Variants in ASCC3 observed in about 807,000 individuals in gnomAD.
ASCC3 encodes the protein ASC-1 complex subunit P200.
ASCC3 carries 158 observed loss-of-function variants against 256.3 expected under a neutral mutation model. The ratio of observed to expected loss-of-function variants is 0.62; its 90% CI spans 0.54 to 0.70. The LOEUF (loss-of-function observed/expected upper bound fraction) is 0.70, where lower values mean the gene tolerates loss of function less well. ASCC3 is among the 30% of genes least tolerant of loss of function. ASCC3 has a pLI of 0.00. For synonymous variants in ASCC3, 948 were observed against 883.4 expected, an observed-to-expected ratio of 1.07 and a Z score of -1.30; for missense variants, 2,259 against 2,626.0, an observed-to-expected ratio of 0.86 and a Z score of 3.05.
At chr6:100,598,157 T>G (rs964342239) in intron 34 of ASCC3, among the ~76,000 whole-genome samples, 2 of 151,922 alleles carry the variant, frequency 1.3e-5, no homozygotes, top group Admixed American at 6.6e-5. Context: ...GAACCTCTTA[T>G]GTAGACGGTG....
intron 35 of ASCC3, 21 bp from the exon 36 acceptor site, chr6:100,589,789 A>G: frequency 6.2e-7 from 1 of 1,613,380 alleles, no homozygotes; most frequent in Non-Finnish European, 8.5e-7. Flanking sequence ...AGAATAACAA[A>G]TGAAGAGTAC....
At chr6:100,618,496 C>T (rs1029594850) in intron 30 of ASCC3, among the ~76,000 whole-genome samples, 4 of 152,164 alleles carry the variant, frequency 2.6e-5, no homozygotes, top group Admixed American at 6.5e-5. Context: ...CTTAGGATAT[C>T]GGACAGCCTC....
intron 13 of ASCC3, among the ~76,000 whole-genome samples, chr6:100,696,586 G>A (rs1410233033): frequency 6.6e-6 from 1 of 151,866 alleles, no homozygotes; most frequent in African/African-American, 2.4e-5. Context: ...ATAAATAGCT[G>A]TCAAATAAAC....
intron 4 of ASCC3, among the ~76,000 whole-genome samples, chr6:100,810,160 T>G (rs988053526): frequency 1.3e-5 from 2 of 152,084 alleles, no homozygotes; most frequent in Admixed American, 1.3e-4. Context: ...GTCCTTATCA[T>G]TGAATGACAC....
At chr6:100,696,312 T>C (rs1002468434) in intron 13 of ASCC3, among the ~76,000 whole-genome samples, 6 of 152,296 alleles carry the variant, frequency 3.9e-5, no homozygotes, top group Middle Eastern at 3.4e-3. Context: ...TGGTTAATCA[T>C]ATTTGAATAT....
At chr6:100,803,466 C>A (rs887685734) in intron 5 of ASCC3, among the ~76,000 whole-genome samples, 1 of 152,134 alleles carries the variant, frequency 6.6e-6, no homozygotes, top group Non-Finnish European at 1.5e-5. Context: ...CACCTTCTGC[C>A]AAGTTGCCTG....
chr6:100,514,931 G>A (rs1773945672), intron 39 of ASCC3, among the ~76,000 whole-genome samples: 1 of 152,064 alleles, frequency 6.6e-6, no homozygotes. Flanking sequence ...ATGTTACCTG[G>A]GATCGCCTCA....
At chr6:100,599,177 T>C (rs1312485536) in intron 34 of ASCC3, among the ~76,000 whole-genome samples, 1 of 152,210 alleles carries the variant, frequency 6.6e-6, no homozygotes, top group East Asian at 1.9e-4. Context: ...GTCTTTCACA[T>C]ACAAGGTGAT....
At chr6:100,665,116 G>A (rs1157320486) in intron 14 of ASCC3, among the ~76,000 whole-genome samples, 1 of 152,126 alleles carries the variant, frequency 6.6e-6, no homozygotes, top group East Asian at 1.9e-4. Context: ...AAAGTAGCAG[G>A]TGGATCTTGG....
At position 100,516,306 on chromosome 6, in the gene ASCC3, C is replaced by T. The variant is rs754980276; in HGVS notation, c.5949G>A (p.Lys1983=). ...AGGTCCGACCCCTAGCATGTGGGCC[C>T]TTCATAATCGGCTTCCATTTCCTAG... is the stretch of plus-strand genomic sequence containing the variant. ...HLFKKWKPIM[K]GPHARGRTSI... is the part of the protein sequence containing the mutation. The change falls in exon 39 of 42, where the codon AAG becomes AAA. Residue 1983 remains lysine (K), a synonymous_variant. Coordinates refer to ENST00000369162, the MANE Select transcript of ASCC3 (RefSeq NM_006828.4). 2 of 1,613,664 alleles carry T rather than the reference C, an allele frequency of 1.2e-6. No individual in the cohort carries two copies. Among genetic ancestry groups the T allele is most frequent in the East Asian group, 2.2e-5 (1 of 44,870 alleles).
At chr6:100,771,217 T>C (rs1022851559) in intron 8 of ASCC3, among the ~76,000 whole-genome samples, 1 of 152,026 alleles carries the variant, frequency 6.6e-6, no homozygotes, top group Non-Finnish European at 1.5e-5. Flanking sequence ...CTAGAACAAA[T>C]GGATATACAC....
chr6:100,856,497 A>G, intron 3 of ASCC3: 1 of 836,250 alleles, frequency 1.2e-6, no homozygotes, highest in Non-Finnish European at 1.4e-6. Flanking sequence ...TTTATTGAAT[A>G]TAACAAGAAA....
At chr6:100,578,521 T>C (rs1315874815) in intron 36 of ASCC3, among the ~76,000 whole-genome samples, 1 of 152,136 alleles carries the variant, frequency 6.6e-6, no homozygotes, top group Non-Finnish European at 1.5e-5. Context: ...ATGTGGTATT[T>C]GGTTTTCTAT....
In ASCC3 at chr6:100,518,047, C is replaced by T. The variant is rs140237465; in HGVS notation, c.5871G>A (p.Lys1957=). 7.4e-6 allele frequency: 12 copies of T among 1,613,556 alleles called. No homozygotes were observed. In the Admixed American group the frequency reaches 1.5e-4, roughly 20 times the overall value. Residue 1957 remains lysine (K), a synonymous_variant, in exon 38 of 42, where the codon AAG becomes AAA. Transcript: ENST00000369162. ...IQMVIQGRWL[K]DSSLLTLPNI... is the part of the protein sequence containing the mutation. ...TTGGTAGTGTAAGAAGAGAAGAGTC[C>T]TTTAACCACCGACCCTGGATCACCA... is the stretch of plus-strand genomic sequence containing the variant.
Position 100,693,131 on chromosome 6 carries a change from T to G in ASCC3, c.2152-13379A>C, listed in dbSNP as rs545961381. Among the ~76,000 whole-genome samples, 8 of 152,238 alleles carry G rather than the reference T, an allele frequency of 5.3e-5. No homozygotes were observed. The East Asian group carries it at 1.5e-3, about 29-fold the overall frequency. On this transcript the variant is annotated intron_variant, in intron 13 of 41. Coordinates refer to ENST00000369162, the MANE Select transcript of ASCC3 (RefSeq NM_006828.4). ...ATATATGATGACTATAGAGTATATC[T>G]TCTTTATATCACATTTGATTATAAG... is the stretch of plus-strand genomic sequence containing the variant.
At chr6:100,515,696 T>G (rs1458421035) in intron 39 of ASCC3, among the ~76,000 whole-genome samples, 1 of 152,118 alleles carries the variant, frequency 6.6e-6, no homozygotes, top group Non-Finnish European at 1.5e-5. Context: ...GCAAAGTGAT[T>G]ATAATAAGAG....
chr6:100,705,224 G>C (rs1242433116), intron 13 of ASCC3, among the ~76,000 whole-genome samples: 1 of 151,968 alleles, frequency 6.6e-6, no homozygotes, highest in Non-Finnish European at 1.5e-5. Context: ...TGCCTGAGTG[G>C]AACACAACTG....
At chr6:100,809,974 A>G (rs1431553279) in intron 4 of ASCC3, among the ~76,000 whole-genome samples, 3 of 152,110 alleles carry the variant, frequency 2.0e-5, no homozygotes, top group Non-Finnish European at 1.5e-5. Context: ...GGAAACCTCT[A>G]CTATACTAAC....
chr6:100,795,231 T>G (rs981847549), intron 8 of ASCC3, among the ~76,000 whole-genome samples: 3 of 151,766 alleles, frequency 2.0e-5, no homozygotes, highest in Non-Finnish European at 2.9e-5. Flanking sequence ...GATTATAGTA[T>G]GGGGAAACGG....
Sources: gnomAD v4.1 joint callset for allele counts (sites outside exome capture counted in the v4.1 genomes callset) on GRCh38, gnomAD v4.1.1 for gene constraint, MANE v1.5 for transcripts, NCBI Gene and HGNC (gene_info 2026-07-23, HGNC 2026-07-21) for gene names.